The following DTNB variants were observed in gnomAD, a reference collection of about 807,000 sequenced individuals.
DTNB encodes the protein DTN-B.
Under a neutral mutation model 90.7 loss-of-function variants are expected in DTNB, and 63 were observed. The observed-to-expected ratio is 0.69, with a 90% CI of 0.57 to 0.86. DTNB has a LOEUF of 0.86. Among genes scored for constraint, DTNB ranks in the 40% least tolerant of loss-of-function variants. The probability of loss-of-function intolerance (pLI) is 0.00; values close to 1 mark genes in which losing one functional copy is unlikely to be tolerated. For missense variants in DTNB, 744 were observed against 807.1 expected (o/e 0.92, Z 0.95); for synonymous variants, 277 against 286.7 (o/e 0.97, Z 0.34).
intron 8 of DTNB, among the ~76,000 whole-genome samples, chr2:25,546,208 G>A (rs1326473392): frequency 1.3e-5 from 2 of 152,314 alleles, no homozygotes; most frequent in South Asian, 4.1e-4. Context: ...CTTTGCATAA[G>A]TGGACCAGGG....
chr2:25,471,189 A>G (rs1349188327), intron 10 of DTNB, among the ~76,000 whole-genome samples: 1 of 152,190 alleles, frequency 6.6e-6, no homozygotes, highest in Non-Finnish European at 1.5e-5. Context: ...GCCAGGCTCT[A>G]TAGGTTCTCT....
At chr2:25,633,510 G>C (rs1036749298) in intron 3 of DTNB, among the ~76,000 whole-genome samples, 3 of 151,994 alleles carry the variant, frequency 2.0e-5, no homozygotes, top group Non-Finnish European at 4.4e-5. Flanking sequence ...ATCTCGGCTC[G>C]CTACAACCTC....
chr2:25,422,789 A>T (rs2050197420), intron 15 of DTNB, among the ~76,000 whole-genome samples: 1 of 152,206 alleles, frequency 6.6e-6, no homozygotes, highest in African/African-American at 2.4e-5. Context: ...CTTCTAGATT[A>T]AATAGGAAGT....
In DTNB at chr2:25,390,658, G is replaced by A. The variant is rs572532470; in HGVS notation, c.1576-2297C>T. ...GATGGGGTTTCGCCATCTTGGCCAG[G>A]CTGGCTTCAAACTCCTGACCTCAGG... On this transcript the variant is annotated intron_variant, in intron 16 of 20. Transcript: ENST00000406818. Among the ~76,000 whole-genome samples the A allele has an allele frequency of 1.9e-3, 292 of 152,006 alleles. 2 individuals are homozygous for A. Among genetic ancestry groups the A allele is most frequent in the Middle Eastern group, 0.01 (3 of 294 alleles).
At chr2:25,638,594 T>A (rs1394531526) in intron 3 of DTNB, among the ~76,000 whole-genome samples, 1 of 152,186 alleles carries the variant, frequency 6.6e-6, no homozygotes, top group Non-Finnish European at 1.5e-5. Context: ...ATGATCCACA[T>A]GGTAGCAATT....
chr2:25,471,801 C>T (rs371206102), intron 10 of DTNB, among the ~76,000 whole-genome samples: 2 of 136,714 alleles, frequency 1.5e-5, no homozygotes, highest in East Asian at 5.1e-4. Flanking sequence ...TATGTTTTCT[C>T]CTGAGTAAAT....
chr2:25,456,629 A>G (rs2060075009), intron 10 of DTNB, among the ~76,000 whole-genome samples: 2 of 151,922 alleles, frequency 1.3e-5, no homozygotes, highest in Admixed American at 6.6e-5. Context: ...CTAGAGTGCA[A>G]TGGCATGATC....
intron 6 of DTNB, among the ~76,000 whole-genome samples, chr2:25,587,709 G>C (rs185151232): frequency 1.1e-4 from 17 of 152,280 alleles, no homozygotes; most frequent in African/African-American, 4.1e-4. Flanking sequence ...CATTTAGTAA[G>C]ACACTCTCTC....
At chr2:25,381,774 C>T (rs758703772) in intron 19 of DTNB, among the ~76,000 whole-genome samples, 5 of 152,222 alleles carry the variant, frequency 3.3e-5, no homozygotes, top group Non-Finnish European at 5.9e-5. Context: ...ACTCACTAGA[C>T]GATTTCAGAA....
intron 1 of DTNB, among the ~76,000 whole-genome samples, chr2:25,654,465 G>A (rs1414335532): frequency 6.6e-6 from 1 of 152,176 alleles, no homozygotes; most frequent in Non-Finnish European, 1.5e-5. Flanking sequence ...GTCCAAAACA[G>A]CCATAGTGCT....
chr2:25,662,594 G>A (rs969892161), intron 1 of DTNB, among the ~76,000 whole-genome samples: 1 of 151,182 alleles, frequency 6.6e-6, no homozygotes, highest in Non-Finnish European at 1.5e-5. Flanking sequence ...TGGGGACCTA[G>A]GTGCCTCCTC....
intron 1 of DTNB, among the ~76,000 whole-genome samples, chr2:25,665,210 A>C (rs570027908): frequency 6.6e-6 from 1 of 152,220 alleles, no homozygotes; most frequent in African/African-American, 2.4e-5. Context: ...TCTTTTTGTT[A>C]ATTTCTTAAC....
intron 16 of DTNB, among the ~76,000 whole-genome samples, chr2:25,396,593 A>G (rs1055947287): frequency 1.7e-4 from 26 of 151,872 alleles, no homozygotes; most frequent in African/African-American, 5.1e-4. Flanking sequence ...ATAAAAGACT[A>G]CACATTGGGT....
intron 8 of DTNB, among the ~76,000 whole-genome samples, chr2:25,534,218 G>A (rs2078893008): frequency 6.6e-6 from 1 of 152,090 alleles, no homozygotes; most frequent in Non-Finnish European, 1.5e-5. Flanking sequence ...TAAGGAGCAT[G>A]CTGCCTTCAA....
chr2:25,649,075 G>C (rs1019850871), intron 2 of DTNB, among the ~76,000 whole-genome samples: 2 of 138,724 alleles, frequency 1.4e-5, no homozygotes, highest in African/African-American at 5.5e-5. Context: ...CGCGATCTTG[G>C]CTCACTGCAA....
At chr2:25,565,438 T>G (rs1010638637) in intron 8 of DTNB, among the ~76,000 whole-genome samples, 1 of 152,002 alleles carries the variant, frequency 6.6e-6, no homozygotes, top group Non-Finnish European at 1.5e-5. Flanking sequence ...TTGGTAGAGA[T>G]AGCGTTTCAC....
At chr2:25,559,750 T>G (rs975693624) in intron 8 of DTNB, among the ~76,000 whole-genome samples, 3 of 152,168 alleles carry the variant, frequency 2.0e-5, no homozygotes, top group African/African-American at 7.2e-5. Context: ...AGAGGAAGCA[T>G]TTACCCTGGA....
intron 8 of DTNB, among the ~76,000 whole-genome samples, chr2:25,553,027 A>T (rs2056639703): frequency 6.6e-6 from 1 of 150,650 alleles, no homozygotes; most frequent in Non-Finnish European, 1.5e-5. Context: ...CGCCCGGCTA[A>T]TTTTTTGTAT....
intron 5 of DTNB, among the ~76,000 whole-genome samples, chr2:25,604,651 G>A (rs552241024): frequency 2.0e-5 from 3 of 152,250 alleles, no homozygotes; most frequent in African/African-American, 7.2e-5. Flanking sequence ...AGAGTGCAGT[G>A]GCATGCTCTT....
Sources: allele counts gnomAD v4.1 joint callset (sites outside exome capture counted in the v4.1 genomes callset), GRCh38; gene constraint gnomAD v4.1.1; transcripts MANE v1.5; gene names NCBI Gene and HGNC (gene_info 2026-07-23, HGNC 2026-07-21).